The following NDFIP1 variants were observed in gnomAD, a reference collection of about 807,000 sequenced individuals.
The protein encoded by NDFIP1 is NEDD4 family-interacting protein 1.
NDFIP1 carries 7 observed loss-of-function variants against 28.8 expected under a neutral mutation model. The observed-to-expected ratio is 0.24, with a 90% confidence interval of 0.14 to 0.46. The LOEUF (loss-of-function observed/expected upper bound fraction) is 0.46. Ranked by LOEUF, NDFIP1 falls within the 20% of genes least tolerant of loss-of-function variation. The pLI is 0.99. For missense variants in NDFIP1, 194 were observed against 269.1 expected (o/e 0.72, Z 1.95); for synonymous variants, 92 against 101.0 (o/e 0.91, Z 0.53).
rs970236280 is a variant in NDFIP1, at chr5:142,127,216, A to G, written c.64-4592A>G. Among the ~76,000 whole-genome samples, 5 of 152,112 alleles carry G rather than the reference A, an allele frequency of 3.3e-5. No individual in the cohort carries two copies. The East Asian group carries it at 7.7e-4, about 23-fold the overall frequency. On this transcript the variant is annotated intron_variant, in intron 1 of 7. Coordinates refer to ENST00000253814, the MANE Select transcript of NDFIP1 (RefSeq NM_030571.4). Reference sequence around the variant, plus strand: ...TTTTTAGTAGAGACGAGATTTTACCATGTTGGCCAGGCTGGTCTCAAACTC... The same window carrying G: ...TTTTTAGTAGAGACGAGATTTTACCGTGTTGGCCAGGCTGGTCTCAAACTC...
At chr5:142,114,380 T>C (rs1189138147) in intron 1 of NDFIP1, among the ~76,000 whole-genome samples, 2 of 152,206 alleles carry the variant, frequency 1.3e-5, no homozygotes, top group African/African-American at 4.8e-5. Context: ...AAAATGTGTA[T>C]TCATGTTCTT....
At chr5:142,120,495 T>G (rs1304702766) in intron 1 of NDFIP1, among the ~76,000 whole-genome samples, 1 of 152,224 alleles carries the variant, frequency 6.6e-6, no homozygotes, top group East Asian at 1.9e-4. Context: ...TTTCAGAAAT[T>G]TATTGCTGCT....
intron 3 of NDFIP1, among the ~76,000 whole-genome samples, chr5:142,133,660 T>C (rs533709190): frequency 2.0e-5 from 3 of 152,366 alleles, no homozygotes; most frequent in African/African-American, 7.2e-5. Flanking sequence ...CAGAATACTT[T>C]CATTTGATAC....
intron 2 of NDFIP1, 84 bp downstream of exon 2, chr5:142,131,979 GA>G: frequency 3.1e-6 from 4 of 1,285,320 alleles, no homozygotes; most frequent in Non-Finnish European, 4.3e-6. Flanking sequence ...AAAAGCTTCA[GA>G]AGCAGTTGGA....
chr5:142,139,038 A>G lies in NDFIP1; in HGVS notation c.495+1180A>G, dbSNP rs560367469. Among the ~76,000 whole-genome samples, 18 of 152,178 alleles carry G rather than the reference A, an allele frequency of 1.2e-4. 1 individual carries two copies. The East Asian group carries it at 3.5e-3, about 29-fold the overall frequency. ...CGAGACCATCCTGGCTAACATGGTG[A>G]AACCCCGTCTCTACTAAAAAAATAC... On this transcript the variant is annotated intron_variant, in intron 5 of 7. Coordinates refer to ENST00000253814, the MANE Select transcript of NDFIP1 (RefSeq NM_030571.4).
intron 1 of NDFIP1, among the ~76,000 whole-genome samples, chr5:142,124,193 G>A (rs139968377): frequency 3.2e-4 from 48 of 152,198 alleles, no homozygotes; most frequent in African/African-American, 1.1e-3. Flanking sequence ...ATATTTGGAT[G>A]TCAGACACAG....
At chr5:142,142,743 C>T (rs1307324641) in intron 6 of NDFIP1, among the ~76,000 whole-genome samples, 3 of 151,334 alleles carry the variant, frequency 2.0e-5, no homozygotes, top group South Asian at 2.1e-4. Context: ...GCATGGCCAC[C>T]GTGGTGAAAC....
At chr5:142,122,547 A>AT (rs1325982461) in intron 1 of NDFIP1, among the ~76,000 whole-genome samples, 1 of 152,132 alleles carries the variant, frequency 6.6e-6, no homozygotes, top group Non-Finnish European at 1.5e-5. Flanking sequence ...GTGTAAATTC[A>AT]TTTTTTGTTG....
chr5:142,153,607 GA>G lies in NDFIP1; in HGVS notation c.*1880del, dbSNP rs1757469567. Reference sequence around the variant, plus strand: ...GGAGTTTTATGGAAGTTTCTTTGAAGATTTTTTTTTTTCCATTTCGAATCAG... The same window carrying G: ...GGAGTTTTATGGAAGTTTCTTTGAAGTTTTTTTTTTTCCATTTCGAATCAG... On this transcript the variant is annotated 3_prime_UTR_variant, in exon 8 of 8. Transcript: ENST00000253814. 1 of 293,100 alleles carries G rather than the reference GA, an allele frequency of 3.4e-6. No homozygotes were observed. The highest frequency in any genetic ancestry group is 3.1e-5 in the South Asian group (1 of 32,178). 18.2% of individuals were successfully genotyped at this position (293,100 alleles called of 1,614,324 possible). A position where few individuals can be genotyped will look rare whatever the true frequency, so the allele number is the denominator to read the frequency against.
chr5:142,119,645 T>C (rs1757103229), intron 1 of NDFIP1, among the ~76,000 whole-genome samples: 2 of 152,090 alleles, frequency 1.3e-5, no homozygotes, highest in African/African-American at 2.4e-5. Flanking sequence ...TTAAGAAAAA[T>C]GGTAGGACTG....
rs561397750 is a variant in NDFIP1 at position 142,149,135 on chromosome 5, G to A, written c.*3-2596G>A. Among the ~76,000 whole-genome samples, 6 of 152,230 alleles carry A rather than the reference G, an allele frequency of 3.9e-5. 1 individual carries two copies. In the South Asian group the frequency reaches 1.2e-3, roughly 32 times the overall value. The stretch of plus-strand genomic sequence containing the variant: ...AGCTAGGGCCTTCATAATTAAAAAA[G>A]TGACCTAGTGAGCTGTACCTATTAG... On this transcript the variant is annotated intron_variant, in intron 7 of 7. Transcript: ENST00000253814.
Position 142,108,816 on chromosome 5 carries a change from T to A in NDFIP1, c.-159T>A. 1 of 538,714 alleles carries A rather than the reference T, an allele frequency of 1.9e-6. No homozygotes were observed. Among genetic ancestry groups the A allele is most frequent in the Non-Finnish European group, 2.9e-6 (1 of 342,582 alleles). The allele number at this position is 538,714 out of a possible 1,614,324, so 33.4% of individuals were successfully genotyped here. On this transcript the variant is annotated 5_prime_UTR_variant, in exon 1 of 8. Transcript: ENST00000253814. ...GGAGCCTCGGCGGCGGCGGCGGTGC[T>A]TACAGCCTGAGAAGAGCGTCTCGCC...
At chr5:142,136,122 T>C (rs2126919388) in intron 4 of NDFIP1, among the ~76,000 whole-genome samples, 1 of 152,360 alleles carries the variant, frequency 6.6e-6, no homozygotes, top group African/African-American at 2.4e-5. Flanking sequence ...CTTCTACTCA[T>C]ACTTAATCTG....
At chr5:142,109,085 C>G in intron 1 of NDFIP1, 48 bp downstream of exon 1, 2 of 1,306,392 alleles carry the variant, frequency 1.5e-6, no homozygotes, top group Non-Finnish European at 2.0e-6. Context: ...CTGGCTCTGC[C>G]CTGCCCGCTG....
At chr5:142,145,471 TG>T (rs1422810839) in intron 7 of NDFIP1, among the ~76,000 whole-genome samples, 2 of 152,096 alleles carry the variant, frequency 1.3e-5, no homozygotes, top group African/African-American at 4.8e-5. Context: ...CTTGGGGCTT[TG>T]GGGACTGTGT....
rs1265205543 is a variant in NDFIP1 at position 142,131,893 on chromosome 5, C to G, written c.149C>G (p.Ala50Gly). The change falls in exon 2 of 8, where the codon GCA (alanine) becomes GGA (glycine). Residue 50 changes from alanine to glycine, a missense_variant and splice_region_variant. Transcript: ENST00000253814. Reference protein sequence around the residue: ...PPYSSISAESAAYFDYKDESG... With the variant: ...PPYSSISAESGAYFDYKDESG... ...TACAGCAGCATTTCTGCAGAGAGCG[C>G]AGGTAGGTAACAGGGCAAGGTGATC... 1.3e-6 allele frequency: 2 copies of G among 1,593,100 alleles called. No homozygotes were observed. The highest frequency in any genetic ancestry group is 1.7e-6 in the Non-Finnish European group (2 of 1,173,856).
chr5:142,122,229 A>G (rs1757129075), intron 1 of NDFIP1, among the ~76,000 whole-genome samples: 1 of 152,180 alleles, frequency 6.6e-6, no homozygotes, highest in Non-Finnish European at 1.5e-5. Flanking sequence ...TGGTATGTTT[A>G]GTTTGCCTGT....
chr5:142,117,939 AC>A (rs955114985), intron 1 of NDFIP1, among the ~76,000 whole-genome samples: 4 of 151,924 alleles, frequency 2.6e-5, no homozygotes, highest in Admixed American at 2.6e-4. Context: ...CTATGTTGCT[AC>A]CCAGGCTGGC....
At chr5:142,136,914 A>G (rs1308790325) in intron 4 of NDFIP1, among the ~76,000 whole-genome samples, 1 of 150,246 alleles carries the variant, frequency 6.7e-6, no homozygotes, top group Admixed American at 6.6e-5. Context: ...AAAAACAAAA[A>G]TTAGCCGTTA....
Sources: gnomAD v4.1 joint callset for allele counts (sites outside exome capture counted in the v4.1 genomes callset) on GRCh38, gnomAD v4.1.1 for gene constraint, MANE v1.5 for transcripts, NCBI Gene and HGNC (gene_info 2026-07-23, HGNC 2026-07-21) for gene names.